The following TROAP variants were observed in gnomAD, a reference collection of about 807,000 sequenced individuals.
TROAP encodes the protein trophinin associated protein.
TROAP carries 62 observed loss-of-function variants against 83.4 expected under a neutral mutation model. That is an observed-to-expected ratio of 0.74 (90% CI 0.61 to 0.92). The LOEUF (loss-of-function observed/expected upper bound fraction) is 0.92. Ranked by LOEUF, TROAP falls within the 40% of genes least tolerant of loss-of-function variation. TROAP has a pLI of 0.00. For missense variants in TROAP, 876 were observed against 985.1 expected, an observed-to-expected ratio of 0.89 and a Z score of 1.48; for synonymous variants, 352 against 386.4, an observed-to-expected ratio of 0.91 and a Z score of 1.04.
chr12:49,331,431 G>T (rs1943582161), intron 14 of TROAP, 24 bp downstream of exon 14: 2 of 1,609,574 alleles, frequency 1.2e-6, no homozygotes, highest in Non-Finnish European at 8.5e-7. Context: ...CCACAGCCCA[G>T]CTGTGGCTGC....
chr12:49,327,717 G>C (rs1437777114), intron 8 of TROAP, among the ~76,000 whole-genome samples: 2 of 152,140 alleles, frequency 1.3e-5, no homozygotes, highest in African/African-American at 4.8e-5. Context: ...TCATATTCTA[G>C]AAGGGGGAGA....
At position 49,330,390 on chromosome 12, in the gene TROAP, C is replaced by T. The variant is rs749021031; in HGVS notation, c.1545C>T (p.Cys515=). The T allele has an allele frequency of 2.0e-5, 33 of 1,614,044 alleles. No individual in the cohort carries two copies. In the Admixed American group the frequency reaches 5.2e-4, roughly 25 times the overall value. The change falls in exon 13 of 15, where the codon TGC becomes TGT. Residue 515 remains cysteine (C), a synonymous_variant. Coordinates refer to ENST00000257909, the MANE Select transcript of TROAP (RefSeq NM_005480.4). ...AGGAGTGCGGGGAACCACAGCCCTG[C>T]CCTCCGGCAGAGCCTGGGCCCCCAG... ...LPEECGEPQP[C]PPAEPGPPEA...
chr12:49,330,136 C>G lies in TROAP; in HGVS notation c.1300-9C>G. The G allele has an allele frequency of 6.2e-7, 1 of 1,612,558 alleles. No individual in the cohort carries two copies. Among genetic ancestry groups the G allele is most frequent in the Non-Finnish European group, 8.5e-7 (1 of 1,179,124 alleles). ...TGATGTCACACTGGGGTGCTCTCTC[C>G]CACCACAGCGCATCGGTATCCTGCA... On this transcript the variant is annotated splice_polypyrimidine_tract_variant and intron_variant, in intron 12 of 14. Transcript: ENST00000257909.
At chr12:49,324,204 T>A (rs1306210376) in intron 3 of TROAP, 167 bp downstream of exon 3, 1 of 1,613,958 alleles carries the variant, frequency 6.2e-7, no homozygotes, top group Non-Finnish European at 8.5e-7. Flanking sequence ...GATCTCCCTT[T>A]CCTCCAGCAA....
chr12:49,329,872 C>T lies in TROAP; in HGVS notation c.1180C>T (p.Arg394Trp), dbSNP rs757422178. The change falls in exon 12 of 15, where the codon CGG becomes TGG. Residue 394 changes from arginine (R) to tryptophan (W), a missense_variant. Physicochemically the swap from Arg to Trp is moderately radical, Grantham distance 101. Transcript: ENST00000257909. The surrounding 1 kb of genome is among the most constrained non-coding windows in gnomAD (Gnocchi z 4.5). ...TTGGTGACAGGAGCAGGTTGCCGTC[C>T]GGTTGTTTGACCAGGAGAGTTGTAT... The part of the protein sequence containing the change: ...PALPWEQVAV[R>W]LFDQESCIRS... The T allele has an allele frequency of 1.2e-5, 19 of 1,613,764 alleles. No homozygotes were observed. The highest frequency in any genetic ancestry group is 5.0e-5 in the Admixed American group (3 of 59,940).
chr12:49,329,920 A>G lies in TROAP; in HGVS notation c.1228A>G (p.Lys410Glu). The G allele has an allele frequency of 6.2e-7, 1 of 1,614,064 alleles. No individual in the cohort carries two copies. Among genetic ancestry groups the G allele is most frequent in the South Asian group, 1.1e-5 (1 of 91,078 alleles). The change falls in exon 12 of 15, where the codon AAA becomes GAA. Residue 410 changes from lysine to glutamate, a missense_variant. Around this residue, in one of 3 missense-constraint regions of TROAP, gnomAD observed 689 missense variants for 722.6 expected, o/e 0.95. Transcript: ENST00000257909. The surrounding 1 kb of genome is among the most constrained non-coding windows in gnomAD (Gnocchi z 4.5). ...SCIRSLEGSGKPPVATPSGPH... is the reference protein window; with the variant it reads ...SCIRSLEGSGEPPVATPSGPH... ...TATAAGGTCACTGGAGGGTTCTGGG[A>G]AACCACCGGTGGCCACTCCTTCTGG...
In TROAP at chr12:49,323,878, C is replaced by G. The variant is rs1306957376; in HGVS notation, c.178C>G (p.Arg60Gly). ...GCAGAAACCACCGCTCAATATTCAACGCCCCCTCGTTGATTCAGCAGGCCC... is the reference window on the plus strand; with the variant it reads ...GCAGAAACCACCGCTCAATATTCAAGGCCCCCTCGTTGATTCAGCAGGCCC... ...WVQKPPLNIQRPLVDSAGPRP... is the reference protein window; with the variant it reads ...WVQKPPLNIQGPLVDSAGPRP... The change falls in exon 3 of 15, where the codon CGC becomes GGC. Residue 60 changes from arginine to glycine, a missense_variant. This residue lies in a region of TROAP where 689 missense variants were observed against 722.6 expected (regional missense o/e 0.95). Coordinates refer to ENST00000257909, the MANE Select transcript of TROAP (RefSeq NM_005480.4). 1 of 1,614,064 alleles carries G rather than the reference C, an allele frequency of 6.2e-7. No homozygotes were observed. Among genetic ancestry groups the G allele is most frequent in the South Asian group, 1.1e-5 (1 of 91,090 alleles).
In TROAP at chr12:49,325,487, C is replaced by T. The variant is rs1315458993; in HGVS notation, c.338-14C>T. ...GCCTTCCCCCTTCCTTTTCCTTCTC[C>T]TCTTTCCTTGCAGAGGCTCCAGGGA... On this transcript the variant is annotated splice_polypyrimidine_tract_variant and intron_variant, in intron 3 of 14. Transcript: ENST00000257909. The T allele has an allele frequency of 1.9e-6, 3 of 1,610,298 alleles. No individual in the cohort carries two copies. The highest frequency in any genetic ancestry group is 1.3e-5 in the African/African-American group (1 of 74,764).
At chr12:49,330,085 G>A in intron 12 of TROAP, 60 bp from the exon 13 acceptor site, 1 of 1,606,046 alleles carries the variant, frequency 6.2e-7, no homozygotes, top group African/African-American at 1.3e-5. Flanking sequence ...ATAGGACAGT[G>A]TGGGTAGACT....
Position 49,330,333 on chromosome 12 carries a change from ACACT to A in TROAP, c.1491_1494del (p.His497GlnfsTer59). On this transcript the variant is annotated frameshift_variant, in exon 13 of 15. Coordinates refer to ENST00000257909, the MANE Select transcript of TROAP (RefSeq NM_005480.4). LOFTEE classifies it high-confidence loss of function. ...CTTCCCACCTTCCTGGACTGTTAAA[ACACT>A]CAGGGCTGCCAAAGCCCTGTCTTCC... 6.2e-7 allele frequency: 1 copy of A among 1,614,088 alleles called. No homozygotes were observed. The highest frequency in any genetic ancestry group is 8.5e-7 in the Non-Finnish European group (1 of 1,179,970).
At chr12:49,325,993 G>T (rs377647846) in intron 5 of TROAP, 83 bp from the exon 6 acceptor site, 22 of 1,605,094 alleles carry the variant, frequency 1.4e-5, no homozygotes, top group Admixed American at 3.3e-5. Context: ...GGATCCTACT[G>T]GGGGAGATGG....
chr12:49,331,306 G>C lies in TROAP; in HGVS notation c.2191G>C (p.Asp731His). Residue 731 changes from aspartate to histidine, a missense_variant, in exon 14 of 15, where the codon GAC becomes CAC. Transcript: ENST00000257909. ...AIHCFHEARLDDECAFYTSRA... is the reference protein window; with the variant it reads ...AIHCFHEARLHDECAFYTSRA... Reference sequence around the variant, plus strand: ...CCACTGCTTCCACGAGGCTCGTCTGGACGATGAGTGTGCCTTTTACACCAG... The same window carrying C: ...CCACTGCTTCCACGAGGCTCGTCTGCACGATGAGTGTGCCTTTTACACCAG... 4 of 1,614,222 alleles carry C rather than the reference G, an allele frequency of 2.5e-6. No homozygotes were observed. The highest frequency in any genetic ancestry group is 3.4e-6 in the Non-Finnish European group (4 of 1,180,042).
chr12:49,328,569 C>T (rs961947067), intron 8 of TROAP, among the ~76,000 whole-genome samples: 4 of 151,994 alleles, frequency 2.6e-5, no homozygotes, highest in South Asian at 2.1e-4. Context: ...AGTGAGAACA[C>T]GATATAGGAA....
chr12:49,326,228 C>T, intron 6 of TROAP, 70 bp downstream of exon 6: 1 of 1,523,968 alleles, frequency 6.6e-7, no homozygotes, highest in Non-Finnish European at 9.1e-7. Context: ...ACAGGAGTCC[C>T]CCAGAGTTGG....
intron 3 of TROAP, chr12:49,324,240 C>T (rs763106010): frequency 6.3e-7 from 1 of 1,600,000 alleles, no homozygotes; most frequent in Non-Finnish European, 8.6e-7. Context: ...GGTGCCATGG[C>T]TTGTACCTGT....
At chr12:49,326,226 C>A in intron 6 of TROAP, 68 bp downstream of exon 6, 2 of 1,525,248 alleles carry the variant, frequency 1.3e-6, no homozygotes, top group Non-Finnish European at 1.8e-6. Context: ...ATACAGGAGT[C>A]CCCCAGAGTT....
rs1014298944 is a variant in TROAP, at chr12:49,325,872, G to T, written c.621G>T (p.Arg207Ser). 7 of 1,613,196 alleles carry T rather than the reference G, an allele frequency of 4.3e-6. No individual in the cohort carries two copies. Among genetic ancestry groups the T allele is most frequent in the East Asian group, 2.2e-5 (1 of 44,896 alleles). Residue 207 changes from arginine (R) to serine (S), a missense_variant, in exon 5 of 15, where the codon AGG becomes AGT. Transcript: ENST00000257909. ...GPRGRTLCPQ[R>S]LQALISPSGP... is the part of the protein sequence containing the mutation. ...GAGGCCGGACATTGTGCCCCCAGAGGCTACAGGCTCTGGTGAGTGCCCTTG... is the reference window on the plus strand; with the variant it reads ...GAGGCCGGACATTGTGCCCCCAGAGTCTACAGGCTCTGGTGAGTGCCCTTG...
Position 49,331,357 on chromosome 12 carries a change from C to G in TROAP, c.2242C>G (p.Arg748Gly). 1 of 1,614,176 alleles carries G rather than the reference C, an allele frequency of 6.2e-7. No individual in the cohort carries two copies. Among genetic ancestry groups the G allele is most frequent in the South Asian group, 1.1e-5 (1 of 91,086 alleles). ...CCGAGCCCCTCCCTCAGGCCCCACCCGGGTCTGCACCAACCCTGTGGCTAC... is the reference window on the plus strand; with the variant it reads ...CCGAGCCCCTCCCTCAGGCCCCACCGGGGTCTGCACCAACCCTGTGGCTAC... ...TSRAPPSGPT[R>G]VCTNPVATLL... The change falls in exon 14 of 15, where the codon CGG becomes GGG. Residue 748 changes from arginine (R) to glycine (G), a missense_variant. Around this residue, in one of 3 missense-constraint regions of TROAP, gnomAD observed 184 missense variants for 238.3 expected, o/e 0.77. Coordinates refer to ENST00000257909, the MANE Select transcript of TROAP (RefSeq NM_005480.4).
At chr12:49,328,423 A>C (rs1429747826) in intron 8 of TROAP, among the ~76,000 whole-genome samples, 1 of 151,900 alleles carries the variant, frequency 6.6e-6, no homozygotes, top group East Asian at 2.0e-4. Context: ...GGATTTCTCC[A>C]TGTTGGTCAA....
Sources: allele counts gnomAD v4.1 joint callset (sites outside exome capture counted in the v4.1 genomes callset), GRCh38; gene constraint gnomAD v4.1.1; regional missense constraint gnomAD v4.1.1; non-coding constraint Gnocchi (gnomAD v3.1); transcripts MANE v1.5; gene names NCBI Gene and HGNC (gene_info 2026-07-23, HGNC 2026-07-21).